The following PLEKHG5 variants were observed in gnomAD, a reference collection of about 807,000 sequenced individuals.
PLEKHG5 encodes pleckstrin homology domain-containing family G member 5.
In PLEKHG5, 52 loss-of-function variants were observed where a neutral mutation model predicts 103.8. The ratio of observed to expected loss-of-function variants is 0.50; its 90% confidence interval spans 0.40 to 0.63. PLEKHG5 has a LOEUF of 0.63. PLEKHG5 is among the 30% of genes least tolerant of loss of function. PLEKHG5 has a pLI of 0.00. For synonymous variants in PLEKHG5, 592 were observed against 575.5 expected (o/e 1.03, Z -0.41); for missense variants, 1,205 against 1,347.6 (o/e 0.89, Z 1.66).
At chr1:6,514,484 C>T (rs561821913) in intron 1 of PLEKHG5, among the ~76,000 whole-genome samples, 14 of 150,420 alleles carry the variant, frequency 9.3e-5, no homozygotes, top group East Asian at 2.0e-4. Flanking sequence ...AGAAAATGGC[C>T]GGGTGTGGTG....
chr1:6,488,741 C>T (rs936241061), intron 1 of PLEKHG5, among the ~76,000 whole-genome samples: 1 of 152,154 alleles, frequency 6.6e-6, no homozygotes, highest in Non-Finnish European at 1.5e-5. Context: ...CAGGGGCAGG[C>T]CCAAGAAGTC....
At position 6,505,475 on chromosome 1, in the gene PLEKHG5, A is replaced by G. The variant is rs76126626; in HGVS notation, c.-164-8906T>C. On this transcript the variant is annotated intron_variant, in intron 1 of 21. Coordinates refer to the PLEKHG5 transcript ENST00000377740. The surrounding 1 kb of genome is among the most constrained non-coding windows in gnomAD (Gnocchi z 4.2). ...CATTATTCCCATTCACAGCTCCCCA[A>G]CCTCTCACCCCCAGGAGCAGTCCAA... is the stretch of plus-strand genomic sequence containing the variant. 6.3e-4 allele frequency among the ~76,000 whole-genome samples: 95 copies of G among 151,480 alleles called. No individual in the cohort carries two copies. The highest frequency in any genetic ancestry group is 1.1e-3 in the Non-Finnish European group (77 of 67,824).
At chr1:6,502,582 C>T (rs1020697734) in intron 1 of PLEKHG5, among the ~76,000 whole-genome samples, 8 of 152,258 alleles carry the variant, frequency 5.3e-5, no homozygotes, top group South Asian at 2.1e-4. Flanking sequence ...CTACTGCGGG[C>T]GCCTGCCCAT....
In PLEKHG5 at chr1:6,474,163, G is replaced by C; in HGVS notation, c.441C>G (p.Ala147=). 6.2e-7 allele frequency: 1 copy of C among 1,613,328 alleles called. No homozygotes were observed. Among genetic ancestry groups the C allele is most frequent in the South Asian group, 1.1e-5 (1 of 91,056 alleles). Residue 147 remains alanine (A), a splice_region_variant and synonymous_variant, in exon 7 of 21, where the codon GCC becomes GCG. Transcript: ENST00000377728. ...TGCCCTCATCTCCAGGCTTGGCTGG[G>C]GCTGCATGTGGGGGCCACGAGAGAT... ...RFGGHYLRVK[A]PAKPGDEGKV...
Position 6,483,277 on chromosome 1 carries a change from T to C in PLEKHG5, c.-87-5619A>G, listed in dbSNP as rs185470270. ...TGGAGCTGGGCCCCAGGCAGGTGGC[T>C]GGGGACAGGATGACCCAGATTCCTG... On this transcript the variant is annotated intron_variant, in intron 1 of 20. Coordinates refer to ENST00000377728, the MANE Select transcript of PLEKHG5 (RefSeq NM_020631.6). Among the ~76,000 whole-genome samples the C allele has an allele frequency of 2.9e-3, 446 of 152,266 alleles. 3 individuals are homozygous for C. Among genetic ancestry groups the C allele is most frequent in the African/African-American group, 0.01 (425 of 41,558 alleles).
rs1335798978 is a variant in PLEKHG5 at position 6,477,604 on chromosome 1, A to G, written c.-33T>C. The G allele has an allele frequency of 6.2e-6, 10 of 1,611,288 alleles. No homozygotes were observed. The highest frequency in any genetic ancestry group is 8.5e-6 in the Non-Finnish European group (10 of 1,179,950). Reference sequence around the variant, plus strand: ...TGGAACTTGCTGTCACAGGCCTCGCAGAGGTTGAGGGGCCCCCGGCGGTGC... The same window carrying G: ...TGGAACTTGCTGTCACAGGCCTCGCGGAGGTTGAGGGGCCCCCGGCGGTGC... On this transcript the variant is annotated 5_prime_UTR_variant, in exon 2 of 21. Coordinates refer to ENST00000377728, the MANE Select transcript of PLEKHG5 (RefSeq NM_020631.6).
At position 6,490,355 on chromosome 1, in the gene PLEKHG5, A is replaced by G; in HGVS notation, c.-88+1282T>C. On this transcript the variant is annotated intron_variant, in intron 1 of 20. Coordinates refer to ENST00000377728, the MANE Select transcript of PLEKHG5 (RefSeq NM_020631.6). This position sits in a 1 kb window ranked among gnomAD's most constrained non-coding sequence, Gnocchi z 8.0. ...GGCCTGGCACTACGTGGGAATCTCG[A>G]ATCCGGGTTCTGTCCATCGGTTTAG... 1.4e-6 allele frequency: 1 copy of G among 723,672 alleles called. No homozygotes were observed. Among genetic ancestry groups the G allele is most frequent in the Non-Finnish European group, 1.7e-6 (1 of 592,470 alleles). 44.8% of individuals were successfully genotyped at this position (723,672 alleles called of 1,614,324 possible).
chr1:6,475,572 C>T (rs1424684590), intron 3 of PLEKHG5, 50 bp from the exon 4 acceptor site: 1 of 1,529,032 alleles, frequency 6.5e-7, no homozygotes, highest in East Asian at 2.2e-5. Flanking sequence ...TGGCCCTCGC[C>T]AGCGTGGGCG....
intron 1 of PLEKHG5, among the ~76,000 whole-genome samples, chr1:6,484,545 G>T (rs1427450540): frequency 6.6e-6 from 1 of 152,160 alleles, no homozygotes; most frequent in Non-Finnish European, 1.5e-5. Flanking sequence ...GCTCCCTGGT[G>T]CAGTTTCTGC....
Position 6,469,092 on chromosome 1 carries a change from G to T in PLEKHG5, c.2199C>A (p.Ser733Arg). 1 of 1,613,070 alleles carries T rather than the reference G, an allele frequency of 6.2e-7. No homozygotes were observed. Among genetic ancestry groups the T allele is most frequent in the South Asian group, 1.1e-5 (1 of 91,084 alleles). ...TGCTTTTCCGCATGATGGTAGGGGA[G>T]CTGGCAGCTGAAGTGCCACTGTCCT... is the stretch of plus-strand genomic sequence containing the variant. ...EGEDSGTSAASSPTIMRKSSG... is the reference protein window; with the variant it reads ...EGEDSGTSAARSPTIMRKSSG... The change falls in exon 19 of 21, where the codon AGC (serine) becomes AGA (arginine). Residue 733 changes from serine to arginine, a missense_variant. By Grantham distance (110) the Ser-to-Arg change is moderately radical. Coordinates refer to ENST00000377728, the MANE Select transcript of PLEKHG5 (RefSeq NM_020631.6).
chr1:6,506,665 C>T (rs1039654290), intron 1 of PLEKHG5, among the ~76,000 whole-genome samples: 25 of 152,208 alleles, frequency 1.6e-4, no homozygotes, highest in Non-Finnish European at 2.9e-4. Flanking sequence ...CGTGGGCTGC[C>T]CCTAGAGATG....
Position 6,470,737 on chromosome 1 carries a change from TG to T in PLEKHG5, c.1539del (p.Met514Ter). The T allele has an allele frequency of 6.4e-7, 1 of 1,557,060 alleles. No homozygotes were observed. The highest frequency in any genetic ancestry group is 1.2e-5 in the South Asian group (1 of 85,014). On this transcript the variant is annotated frameshift_variant, in exon 14 of 21. Coordinates refer to ENST00000377728, the MANE Select transcript of PLEKHG5 (RefSeq NM_020631.6). LOFTEE classifies it high-confidence loss of function. ...CTCCCGCTGGCCATCAGGGTTACCA[TG>T]GCGACGACGGCCTCCTTGGCGCGCG... ...EEPRAKEAVV[A>X]MIGSVERFIH...
At chr1:6,518,512 T>A (rs1461364881) in intron 1 of PLEKHG5, among the ~76,000 whole-genome samples, 3 of 142,462 alleles carry the variant, frequency 2.1e-5, no homozygotes, top group Non-Finnish European at 4.5e-5. Flanking sequence ...GTGAGCCATA[T>A]CGCACCATTG....
At chr1:6,493,602 A>G (rs1208906121), upstream of PLEKHG5, among the ~76,000 whole-genome samples, 2 of 152,162 alleles carry the variant, frequency 1.3e-5, no homozygotes, top group Non-Finnish European at 2.9e-5. Context: ...AGGAGGGCCT[A>G]ACGCCCCGCC....
intron 10 of PLEKHG5, among the ~76,000 whole-genome samples, 188 bp downstream of exon 10, chr1:6,472,339 C>T (rs1475755347): frequency 6.6e-6 from 1 of 152,262 alleles, no homozygotes; most frequent in African/African-American, 2.4e-5. Flanking sequence ...ACCTGACAAA[C>T]CTGCCCGAAG....
At position 6,471,097 on chromosome 1, in the gene PLEKHG5, C is replaced by A; in HGVS notation, c.1285G>T (p.Gly429Cys). 6.3e-7 allele frequency: 1 copy of A among 1,577,286 alleles called. No homozygotes were observed. The highest frequency in any genetic ancestry group is 8.6e-7 in the Non-Finnish European group (1 of 1,162,662). Reference sequence around the variant, plus strand: ...CGGATGTAGGGCTTGAAGAGCGAGCCGAACTGGCCCGGGGCAGAACAACCA... The same window carrying A: ...CGGATGTAGGGCTTGAAGAGCGAGCAGAACTGGCCCGGGGCAGAACAACCA... ...GDFLKGFKMF[G>C]SLFKPYIRYC... is the part of the protein sequence containing the mutation. Residue 429 changes from glycine (G) to cysteine (C), a missense_variant, in exon 13 of 21, where the codon GGC (glycine) becomes TGC (cysteine). Physicochemically the swap from Gly to Cys is radical, Grantham distance 159 (BLOSUM62 -3). Transcript: ENST00000377728.
At position 6,486,722 on chromosome 1, in the gene PLEKHG5, G is replaced by T. The variant is rs1340614291; in HGVS notation, c.-88+4915C>A. Among the ~76,000 whole-genome samples the T allele has an allele frequency of 1.3e-5, 2 of 152,242 alleles. No homozygotes were observed. Among genetic ancestry groups the T allele is most frequent in the African/African-American group, 2.4e-5 (1 of 41,462 alleles). ...GAGTCACCACTACACGGCTGTCAAA[G>T]CGCTTTTACACTGATTCCCAGGAAG... is the stretch of plus-strand genomic sequence containing the variant. On this transcript the variant is annotated intron_variant, in intron 1 of 20. Coordinates refer to ENST00000377728, the MANE Select transcript of PLEKHG5 (RefSeq NM_020631.6). The surrounding 1 kb of genome is among the most constrained non-coding windows in gnomAD (Gnocchi z 5.3).
At chr1:6,471,721 G>C in intron 11 of PLEKHG5, 37 bp downstream of exon 11, 2 of 1,598,984 alleles carry the variant, frequency 1.3e-6, no homozygotes, top group South Asian at 1.1e-5. Flanking sequence ...CTCCTTCCTG[G>C]TACCTCACCC....
chr1:6,473,309 G>C lies in PLEKHG5; in HGVS notation c.737C>G (p.Ala246Gly). Residue 246 changes from alanine (A) to glycine (G), a missense_variant, in exon 8 of 21, where the codon GCG (alanine) becomes GGG (glycine). Ala to Gly is a moderately conservative substitution (Grantham distance 60). Coordinates refer to ENST00000377728, the MANE Select transcript of PLEKHG5 (RefSeq NM_020631.6). ...GAAAAAGCCGCTGAAGCGACTGGCC[G>C]CCCGGTTCTTCCAGCTGTCGCCAGT... ...TNTGDSWKNR[A>G]ASRFSGFFSS... is the part of the protein sequence containing the mutation. 6.3e-7 allele frequency: 1 copy of C among 1,577,408 alleles called. No individual in the cohort carries two copies. Among genetic ancestry groups the C allele is most frequent in the Non-Finnish European group, 8.6e-7 (1 of 1,162,452 alleles).
Sources: allele counts gnomAD v4.1 joint callset (sites outside exome capture counted in the v4.1 genomes callset), GRCh38; gene constraint gnomAD v4.1.1; non-coding constraint Gnocchi (gnomAD v3.1); transcripts MANE v1.5; gene names NCBI Gene and HGNC (gene_info 2026-07-23, HGNC 2026-07-21).